Variants in UCK2 observed in about 807,000 individuals in gnomAD.
The protein encoded by UCK2 is cytidine monophosphokinase 2.
A neutral mutation model predicts 30.8 loss-of-function variants in UCK2; 6 were observed. The ratio of observed to expected loss-of-function variants is 0.19; its 90% CI spans 0.11 to 0.38. UCK2 has a LOEUF of 0.38. UCK2 is among the 10% of genes least tolerant of loss of function. The pLI is 1.00. For synonymous variants in UCK2, 125 were observed against 133.6 expected (o/e 0.94, Z 0.45); for missense variants, 210 against 339.8 (o/e 0.62, Z 3.00).
At chr1:165,841,560 GGTCCAT>G in intron 1 of UCK2, among the ~76,000 whole-genome samples, 1 of 152,300 alleles carries the variant, frequency 6.6e-6, no homozygotes, top group South Asian at 2.1e-4. Context: ...TGAAAGAAAA[GGTCCAT>G]GTCTTCGTTC....
intron 4 of UCK2, among the ~76,000 whole-genome samples, chr1:165,896,677 G>T (rs1229384016): frequency 6.6e-6 from 1 of 152,230 alleles, no homozygotes; most frequent in Non-Finnish European, 1.5e-5. Context: ...TCAAAATGAA[G>T]ATGCTCTGAT....
intron 1 of UCK2, among the ~76,000 whole-genome samples, chr1:165,882,909 C>T (rs915637331): frequency 3.3e-5 from 5 of 152,194 alleles, no homozygotes; most frequent in Admixed American, 3.3e-4. Flanking sequence ...ACTGTAACCT[C>T]TGCCTCCCGG....
chr1:165,860,503 C>T (rs1206259911), intron 1 of UCK2, among the ~76,000 whole-genome samples: 1 of 152,080 alleles, frequency 6.6e-6, no homozygotes, highest in Non-Finnish European at 1.5e-5. Context: ...GGCGGGAGTG[C>T]AGTGGTGCAA....
intron 4 of UCK2, among the ~76,000 whole-genome samples, chr1:165,899,755 G>C (rs1647391105): frequency 6.6e-6 from 1 of 152,162 alleles, no homozygotes; most frequent in African/African-American, 2.4e-5. Context: ...ACCTTGTTTG[G>C]ACTCAGTCCT....
intron 1 of UCK2, among the ~76,000 whole-genome samples, chr1:165,845,561 C>T (rs183461431): frequency 1.4e-4 from 22 of 152,268 alleles, no homozygotes; most frequent in Admixed American, 3.3e-4. Flanking sequence ...TTTACATCAG[C>T]TAAATATCAG....
At chr1:165,854,868 C>T (rs1233762377) in intron 1 of UCK2, among the ~76,000 whole-genome samples, 2 of 152,084 alleles carry the variant, frequency 1.3e-5, no homozygotes, top group Non-Finnish European at 2.9e-5. Context: ...GTTTTTCCTG[C>T]CAATCCCCAA....
Position 165,836,753 on chromosome 1 carries a change from G to A in UCK2, c.99+8821G>A, listed in dbSNP as rs565173378. Among the ~76,000 whole-genome samples, 3 of 152,304 alleles carry A rather than the reference G, an allele frequency of 2.0e-5. No homozygotes were observed. The South Asian group carries it at 6.2e-4, about 32-fold the overall frequency. ...AGTATGCTTGCTTTCATGTGGCTCA[G>A]GAAGTTTTCATGTACCCTAGTTTGA... On this transcript the variant is annotated intron_variant, in intron 1 of 6. Transcript: ENST00000367879.
rs915231251 is a variant in UCK2 at position 165,896,651 on chromosome 1, A to G, written c.499+319A>G. Among the ~76,000 whole-genome samples, 3 of 152,202 alleles carry G rather than the reference A, an allele frequency of 2.0e-5. No individual in the cohort carries two copies. In the South Asian group the frequency reaches 6.2e-4, roughly 31 times the overall value. ...TTGATTAAATGCTTAGTTCCTTGCA[A>G]TTTGTTTATAAGACATCAAAATGAA... On this transcript the variant is annotated intron_variant, in intron 4 of 6. Transcript: ENST00000367879.
chr1:165,899,200 C>G (rs992804524), intron 4 of UCK2, among the ~76,000 whole-genome samples: 2 of 152,164 alleles, frequency 1.3e-5, no homozygotes, highest in African/African-American at 4.8e-5. Flanking sequence ...TTGAGTGAAG[C>G]AGCCCTGGAA....
chr1:165,854,479 A>T (rs1231637889), intron 1 of UCK2, among the ~76,000 whole-genome samples: 2 of 152,124 alleles, frequency 1.3e-5, no homozygotes, highest in Non-Finnish European at 2.9e-5. Flanking sequence ...ACCAACATGT[A>T]GCATAAGGCG....
chr1:165,837,239 A>G (rs998317465), intron 1 of UCK2, among the ~76,000 whole-genome samples: 4 of 152,198 alleles, frequency 2.6e-5, no homozygotes, highest in African/African-American at 4.8e-5. Context: ...CCACTTACTT[A>G]TTAAGTATCT....
At chr1:165,875,803 GCCACC>G in intron 1 of UCK2, among the ~76,000 whole-genome samples, 1 of 152,270 alleles carries the variant, frequency 6.6e-6, no homozygotes, top group African/African-American at 2.4e-5. Flanking sequence ...TCCCTTGTGT[GCCACC>G]CTCCAGGAAC....
At chr1:165,828,031 G>A (rs1653936004) in intron 1 of UCK2, 99 bp downstream of exon 1, 3 of 927,700 alleles carry the variant, frequency 3.2e-6, no homozygotes, top group East Asian at 4.3e-5. Flanking sequence ...GGCAGCCACC[G>A]CGTGGCCCGC....
At chr1:165,889,257 A>G (rs1655701955) in intron 1 of UCK2, among the ~76,000 whole-genome samples, 1 of 152,234 alleles carries the variant, frequency 6.6e-6, no homozygotes, top group South Asian at 2.1e-4. Context: ...AACCAACAGA[A>G]GTAGGATTAA....
intron 1 of UCK2, among the ~76,000 whole-genome samples, chr1:165,843,052 T>C (rs935588062): frequency 6.6e-6 from 1 of 152,008 alleles, no homozygotes; most frequent in African/African-American, 2.4e-5. Context: ...GTTCTGTCAG[T>C]TGACTGCAAT....
intron 1 of UCK2, among the ~76,000 whole-genome samples, chr1:165,841,006 C>G (rs1365496976): frequency 6.6e-6 from 1 of 152,026 alleles, no homozygotes; most frequent in South Asian, 2.1e-4. Context: ...TCTTGATAAC[C>G]TGCTAGAGGC....
In UCK2 at chr1:165,907,821, T is replaced by C; in HGVS notation, c.784T>C (p.Ter262ArgextTer41). The C allele has an allele frequency of 2.5e-6, 4 of 1,614,090 alleles. No homozygotes were observed. Among genetic ancestry groups the C allele is most frequent in the Non-Finnish European group, 3.4e-6 (4 of 1,179,968 alleles). The change falls in exon 7 of 7, where the codon TGA becomes CGA. Residue 262 changes from the stop codon to arginine (R), a stop_lost. Coordinates refer to ENST00000367879, the MANE Select transcript of UCK2 (RefSeq NM_012474.5). ...ATCGGAGTCCAGCAGCAGGCCGCAT[T>C]GACCCGTCTCCATCGGACCCCAGCC... ...QASESSSRPH[*>R]
chr1:165,870,617 A>G (rs1475245633), intron 1 of UCK2, among the ~76,000 whole-genome samples: 4 of 152,214 alleles, frequency 2.6e-5, no homozygotes, highest in African/African-American at 9.6e-5. Context: ...CATTATGGGT[A>G]GACAGCACAC....
rs1271923854 is a variant in UCK2, at chr1:165,907,974, G to A, written c.*151G>A. 3 of 1,195,466 alleles carry A rather than the reference G, an allele frequency of 2.5e-6. No homozygotes were observed. Among genetic ancestry groups the A allele is most frequent in the African/African-American group, 3.1e-5 (2 of 64,270 alleles). 74.1% of individuals were successfully genotyped at this position (1,195,466 alleles called of 1,614,324 possible). A position where few individuals can be genotyped will look rare whatever the true frequency, so the allele number is the denominator to read the frequency against. On this transcript the variant is annotated 3_prime_UTR_variant, in exon 7 of 7. Transcript: ENST00000367879. Reference sequence around the variant, plus strand: ...TGCCTTTGATTTTTTTTTTCTTTTTGTACTTTGGAACGACAAAATGAAACA... The same window carrying A: ...TGCCTTTGATTTTTTTTTTCTTTTTATACTTTGGAACGACAAAATGAAACA...
Sources: allele counts gnomAD v4.1 joint callset (sites outside exome capture counted in the v4.1 genomes callset), GRCh38; gene constraint gnomAD v4.1.1; transcripts MANE v1.5; gene names NCBI Gene and HGNC (gene_info 2026-07-23, HGNC 2026-07-21).